NCOR2: variants seen among roughly 807,000 people sequenced by gnomAD.
The protein encoded by NCOR2 is nuclear receptor corepressor 2.
NCOR2 carries 81 observed loss-of-function variants against 262.9 expected under a neutral mutation model. The ratio of observed to expected loss-of-function variants is 0.31; its 90% confidence interval spans 0.26 to 0.37. The LOEUF (loss-of-function observed/expected upper bound fraction) is 0.37. NCOR2 is among the 10% of genes least tolerant of loss of function. The pLI, the probability that NCOR2 is intolerant of heterozygous loss-of-function variation, is 1.00. For synonymous variants in NCOR2, 1,659 were observed against 1,559.3 expected (o/e 1.06, Z -1.51); for missense variants, 3,385 against 3,621.4 (o/e 0.93, Z 1.68).
exon 13 of NCOR2, chr12:124,420,038 G>A (rs547002911): frequency 1.2e-6 from 2 of 1,613,248 alleles, no homozygotes; most frequent in African/African-American, 1.3e-5. Flanking sequence ...AGTAATAGAG[G>A]ACGCACTCAG....
chr12:124,348,421 T>C lies in NCOR2; in HGVS notation c.3845-107A>G, dbSNP rs1367540993. ...TAGGCAGGAGCCAGCAGTGCTTCCATGCTGGCCCCGTCACAAAGCCTCACA... is the reference window on the plus strand; with the variant it reads ...TAGGCAGGAGCCAGCAGTGCTTCCACGCTGGCCCCGTCACAAAGCCTCACA... On this transcript the variant is annotated intron_variant, in intron 28 of 46. Coordinates refer to ENST00000405201, the Ensembl canonical transcript of NCOR2. 2.8e-6 allele frequency: 4 copies of C among 1,416,062 alleles called. No homozygotes were observed. The South Asian group carries it at 5.5e-5, about 20-fold the overall frequency. The allele number at this position is 1,416,062 out of a possible 1,614,324, so 87.7% of individuals were successfully genotyped here.
chr12:124,418,742 G>A (rs116607204), intron 13 of NCOR2, among the ~76,000 whole-genome samples: 1,591 of 152,274 alleles, frequency 0.01, 24 homozygotes, highest in African/African-American at 0.036. Context: ...CGTCTGGCTT[G>A]GCATTAGGGG....
At chr12:124,354,604 G>A (rs2271142) in intron 25 of NCOR2, 22 bp from the exon 28 acceptor site, 450,955 of 1,513,220 alleles carry the variant, frequency 0.3, 69,465 homozygotes, top group Admixed American at 0.49. Flanking sequence ...TAAGAGGAGC[G>A]AGTCACGTGC....
At chr12:124,474,882 C>T (rs2047018025) in intron 3 of NCOR2, among the ~76,000 whole-genome samples, 1 of 152,158 alleles carries the variant, frequency 6.6e-6, no homozygotes, top group African/African-American at 2.4e-5. Context: ...GCCACCACCT[C>T]CCCGCCCCCG....
intron 20 of NCOR2, among the ~76,000 whole-genome samples, chr12:124,371,409 T>A (rs2039503027): frequency 6.6e-6 from 1 of 152,224 alleles, no homozygotes; most frequent in Admixed American, 6.5e-5. Flanking sequence ...ATAGACTGTT[T>A]GCTGATATAA....
chr12:124,509,432 T>G (rs2049266275), intron 1 of NCOR2, among the ~76,000 whole-genome samples: 2 of 152,212 alleles, frequency 1.3e-5, no homozygotes, highest in Non-Finnish European at 2.9e-5. Flanking sequence ...CTCTGAGGTT[T>G]TTTAGTTACT....
intron 1 of NCOR2, among the ~76,000 whole-genome samples, chr12:124,505,896 C>T (rs1050196301): frequency 6.6e-6 from 1 of 152,088 alleles, no homozygotes; most frequent in African/African-American, 2.4e-5. Context: ...AATGCCCCAG[C>T]CCATTATTCC....
chr12:124,400,122 C>T (rs1448976832), intron 15 of NCOR2, among the ~76,000 whole-genome samples: 1 of 152,194 alleles, frequency 6.6e-6, no homozygotes, highest in Admixed American at 6.5e-5. Context: ...AAATCCGGAA[C>T]TGGTCACTGG....
chr12:124,393,754 C>T (rs1215437315), intron 16 of NCOR2, among the ~76,000 whole-genome samples: 1 of 152,248 alleles, frequency 6.6e-6, no homozygotes, highest in Non-Finnish European at 1.5e-5. Context: ...CTCTAGGCCT[C>T]GGTTTCCTCA....
At chr12:124,421,552 G>A (rs186057512) in intron 12 of NCOR2, among the ~76,000 whole-genome samples, 8 of 152,346 alleles carry the variant, frequency 5.3e-5, no homozygotes, top group Admixed American at 4.6e-4. Context: ...CAGCTCATGA[G>A]GGGCAGGCGC....
chr12:124,356,948 T>C, intron 22 of NCOR2, 166 bp from the exon 25 acceptor site: 1 of 815,372 alleles, frequency 1.2e-6, no homozygotes. Context: ...GCCTGGGCGC[T>C]GCTCTGTAAC....
intron 3 of NCOR2, 80 bp from the exon 6 acceptor site, chr12:124,473,211 G>T: frequency 6.6e-7 from 1 of 1,506,560 alleles, no homozygotes; most frequent in Non-Finnish European, 9.1e-7. Context: ...GGTTAATACT[G>T]TCAACCTGAT....
chr12:124,462,251 C>G (rs1033846683), intron 5 of NCOR2, among the ~76,000 whole-genome samples: 4 of 152,200 alleles, frequency 2.6e-5, no homozygotes, highest in African/African-American at 9.6e-5. Context: ...TCATCACTCC[C>G]TAGCCTCTCC....
chr12:124,405,894 C>T (rs2042248843), intron 13 of NCOR2, among the ~76,000 whole-genome samples: 1 of 152,158 alleles, frequency 6.6e-6, no homozygotes, highest in East Asian at 1.9e-4. Context: ...TGCTGGGCTT[C>T]CCGGGCCACT....
At chr12:124,529,196 A>AAAAAAAC (rs1566029123) in intron 1 of NCOR2, among the ~76,000 whole-genome samples, 10 of 147,170 alleles carry the variant, frequency 6.8e-5, no homozygotes, top group African/African-American at 1.8e-4. Flanking sequence ...AAAAAAAAAA[A>AAAAAAAC]AAAAAACACT....
At chr12:124,555,986 C>T (rs750227789) in intron 1 of NCOR2, 2 of 152,294 alleles carry the variant, frequency 1.3e-5, no homozygotes, top group African/African-American at 2.4e-5. Context: ...TCCCATAACG[C>T]TCAAGACAAC....
chr12:124,424,530 T>C (rs903918583), intron 11 of NCOR2, among the ~76,000 whole-genome samples: 2 of 152,176 alleles, frequency 1.3e-5, no homozygotes, highest in African/African-American at 2.4e-5. Context: ...TCTATTCTTA[T>C]GGACGTTTCA....
At chr12:124,362,143 G>T in exon 22 of NCOR2, 2 of 1,301,876 alleles carry the variant, frequency 1.5e-6, no homozygotes, top group Non-Finnish European at 2.0e-6. Flanking sequence ...GTCGGCGGGG[G>T]GTGCCGGGCT....
In NCOR2 at chr12:124,334,442, TG is replaced by T. The variant is rs1555299505; in HGVS notation, c.6586del (p.His2196ThrfsTer33). 7.3e-6 allele frequency: 11 copies of T among 1,498,610 alleles called. No homozygotes were observed. The highest frequency in any genetic ancestry group is 5.2e-5 in the South Asian group (4 of 77,480). 92.8% of individuals were successfully genotyped at this position (1,498,610 alleles called of 1,614,324 possible). A position where few individuals can be genotyped will look rare whatever the true frequency, so the allele number is the denominator to read the frequency against. ...CGCTCACCTCTTGCCCCCTTCGCTGTGGGGGGAGCCACGGGCCGGGGCACCA... is the reference window on the plus strand; with the variant it reads ...CGCTCACCTCTTGCCCCCTTCGCTGTGGGGGAGCCACGGGCCGGGGCACCA... On this transcript the variant is annotated frameshift_variant, in exon 41 of 47. Transcript: ENST00000405201. LOFTEE classifies it high-confidence loss of function.
Sources: allele counts gnomAD v4.1 joint callset (sites outside exome capture counted in the v4.1 genomes callset), GRCh38; gene constraint gnomAD v4.1.1; transcripts MANE v1.5; gene names NCBI Gene and HGNC (gene_info 2026-07-23, HGNC 2026-07-21).